The following RTN4IP1 variants were observed in gnomAD, a reference collection of about 807,000 sequenced individuals.
RTN4IP1 encodes the protein reticulon 4 interacting protein 1.
In RTN4IP1, 32 loss-of-function variants were observed where a neutral mutation model predicts 46.6. The observed-to-expected ratio is 0.69, with a 90% confidence interval of 0.52 to 0.92. RTN4IP1 has a LOEUF of 0.92. Among genes scored for constraint, RTN4IP1 ranks in the 40% least tolerant of loss-of-function variants. RTN4IP1 has a pLI of 0.00. For missense variants in RTN4IP1, 424 were observed against 485.8 expected, an observed-to-expected ratio of 0.87 and a Z score of 1.20; for synonymous variants, 167 against 161.8, an observed-to-expected ratio of 1.03 and a Z score of -0.24.
At chr6:106,588,673 G>T (rs1775544617) in intron 6 of RTN4IP1, among the ~76,000 whole-genome samples, 1 of 152,200 alleles carries the variant, frequency 6.6e-6, no homozygotes, top group Non-Finnish European at 1.5e-5. Context: ...GAGAATACAT[G>T]CAAATAAACT....
chr6:106,619,432 G>C (rs1776428676), intron 3 of RTN4IP1, 106 bp from the exon 4 acceptor site: 2 of 1,344,628 alleles, frequency 1.5e-6, no homozygotes, highest in Non-Finnish European at 2.0e-6. Flanking sequence ...TGAACAACAG[G>C]GGTTTGAATT....
chr6:106,630,427 C>G (rs573995984), upstream of RTN4IP1, among the ~76,000 whole-genome samples: 1 of 152,336 alleles, frequency 6.6e-6, no homozygotes, highest in East Asian at 1.9e-4. Context: ...GATTCTTCCT[C>G]ATCTTTCATA....
chr6:106,602,974 G>A, intron 4 of RTN4IP1, 52 bp from the exon 5 acceptor site: 2 of 1,366,434 alleles, frequency 1.5e-6, no homozygotes, highest in Non-Finnish European at 2.0e-6. Context: ...AGATATAACT[G>A]GATAAACGTT....
At chr6:106,613,435 A>G (rs752908940) in intron 4 of RTN4IP1, among the ~76,000 whole-genome samples, 1 of 152,232 alleles carries the variant, frequency 6.6e-6, no homozygotes, top group African/African-American at 2.4e-5. Context: ...CAAAGCCAGA[A>G]GCTAGTCTGT....
chr6:106,604,701 T>C (rs1776019883), intron 4 of RTN4IP1, among the ~76,000 whole-genome samples: 1 of 152,156 alleles, frequency 6.6e-6, no homozygotes, highest in African/African-American at 2.4e-5. Context: ...GGCTACTGTC[T>C]GTTCTTTGGG....
chr6:106,581,196 C>G (rs1391573250), intron 8 of RTN4IP1, among the ~76,000 whole-genome samples: 1 of 152,138 alleles, frequency 6.6e-6, no homozygotes, highest in Non-Finnish European at 1.5e-5. Context: ...CTTTTTCCAT[C>G]TTTAGGGTTT....
intron 5 of RTN4IP1, among the ~76,000 whole-genome samples, chr6:106,597,378 C>A (rs1348785388): frequency 6.6e-6 from 1 of 152,092 alleles, no homozygotes. Flanking sequence ...AGATAGGTCT[C>A]ACTCTGTCCA....
intron 1 of RTN4IP1, among the ~76,000 whole-genome samples, chr6:106,625,656 T>TTTTTC (rs1222661563): frequency 3.5e-5 from 5 of 141,346 alleles, no homozygotes; most frequent in African/African-American, 1.4e-4. Context: ...TTTTTTCTTT[T>TTTTTC]TTTTCTTTTT....
At position 106,580,138 on chromosome 6, in the gene RTN4IP1, C is replaced by T. The variant is rs568369529; in HGVS notation, c.1083+3190G>A. ...CTGAGGCAGGAGAATGGTGTGAACC[C>T]GGGAGGCGGAGCTTGCAGTGAGCTG... is the stretch of plus-strand genomic sequence containing the variant. On this transcript the variant is annotated intron_variant, in intron 8 of 8. Transcript: ENST00000369063. Among the ~76,000 whole-genome samples the T allele has an allele frequency of 2.0e-5, 3 of 146,968 alleles. No homozygotes were observed. In the East Asian group the frequency reaches 6.2e-4, roughly 30 times the overall value.
intron 7 of RTN4IP1, among the ~76,000 whole-genome samples, chr6:106,585,352 C>T (rs1456420658): frequency 2.6e-5 from 4 of 152,192 alleles, no homozygotes; most frequent in African/African-American, 9.7e-5. Flanking sequence ...AATTATGTGG[C>T]TAAATGCCAG....
At chr6:106,610,406 T>G (rs1224214951) in intron 4 of RTN4IP1, among the ~76,000 whole-genome samples, 1 of 152,176 alleles carries the variant, frequency 6.6e-6, no homozygotes, top group Non-Finnish European at 1.5e-5. Flanking sequence ...GTCGGTCTTC[T>G]AAAGTCTGAA....
intron 2 of RTN4IP1, among the ~76,000 whole-genome samples, chr6:106,621,929 T>C (rs1776495392): frequency 6.6e-6 from 1 of 152,190 alleles, no homozygotes; most frequent in Non-Finnish European, 1.5e-5. Context: ...TATCATTTCT[T>C]GGTACAAAAG....
Position 106,619,241 on chromosome 6 carries a change from T to G in RTN4IP1, c.581A>C (p.Lys194Thr). 2.5e-6 allele frequency: 4 copies of G among 1,614,186 alleles called. No individual in the cohort carries two copies. The highest frequency in any genetic ancestry group is 3.4e-6 in the Non-Finnish European group (4 of 1,180,014). The change falls in exon 4 of 9, where the codon AAA (lysine) becomes ACA (threonine). Residue 194 changes from lysine to threonine, a missense_variant. Coordinates refer to ENST00000369063, the MANE Select transcript of RTN4IP1 (RefSeq NM_032730.5). ...VALTAWSAIN[K>T]VGGLNDKNCT... ...ATTCTTGTCATTCAGGCCACCAACT[T>G]TGTTTATAGCAGACCAGGCTGTGAG...
chr6:106,594,164 A>C (rs1775727460), intron 5 of RTN4IP1, among the ~76,000 whole-genome samples: 1 of 152,196 alleles, frequency 6.6e-6, no homozygotes, highest in South Asian at 2.1e-4. Flanking sequence ...TGTTTTAAAA[A>C]CAGTTTTACT....
At chr6:106,627,898 GTTTCTATAAAAATACAAAAA>G (rs1208754375) in intron 1 of RTN4IP1, among the ~76,000 whole-genome samples, 2 of 141,290 alleles carry the variant, frequency 1.4e-5, no homozygotes, top group African/African-American at 5.2e-5. Context: ...TGAAACTCCC[GTTTCTATAAAAATACAAAAA>G]TTAGCTGGGT....
chr6:106,582,535 T>G (rs1468082897), intron 8 of RTN4IP1, among the ~76,000 whole-genome samples: 1 of 152,178 alleles, frequency 6.6e-6, no homozygotes, highest in Non-Finnish European at 1.5e-5. Flanking sequence ...ACCTGTAAAA[T>G]GAGAATCACC....
intron 8 of RTN4IP1, among the ~76,000 whole-genome samples, chr6:106,578,393 T>C (rs1775278988): frequency 6.6e-6 from 1 of 152,200 alleles, no homozygotes; most frequent in Non-Finnish European, 1.5e-5. Context: ...GTGCAAAGCT[T>C]TCCTCTTTCC....
chr6:106,587,858 C>A lies in RTN4IP1; in HGVS notation c.811G>T (p.Asp271Tyr). The A allele has an allele frequency of 6.2e-7, 1 of 1,611,082 alleles. No individual in the cohort carries two copies. The highest frequency in any genetic ancestry group is 1.1e-5 in the South Asian group (1 of 90,818). ...CCGCCAACATTATCAAGGATAAAATCAAATCTGGAGAGGAAGAACCAAATC... is the reference window on the plus strand; with the variant it reads ...CCGCCAACATTATCAAGGATAAAATAAAATCTGGAGAGGAAGAACCAAATC... ...EEQLKSLKPF[D>Y]FILDNVGGST... The change falls in exon 7 of 9, where the codon GAT (aspartate) becomes TAT (tyrosine). Residue 271 changes from aspartate (D) to tyrosine (Y), a missense_variant. Coordinates refer to ENST00000369063, the MANE Select transcript of RTN4IP1 (RefSeq NM_032730.5).
chr6:106,607,627 A>G (rs1283977318), intron 4 of RTN4IP1: 1 of 152,222 alleles, frequency 6.6e-6, no homozygotes, highest in East Asian at 1.9e-4. Context: ...TATGCTGTAC[A>G]TCACTAATAA....
Sources: gnomAD v4.1 joint callset for allele counts (sites outside exome capture counted in the v4.1 genomes callset) on GRCh38, gnomAD v4.1.1 for gene constraint, MANE v1.5 for transcripts, NCBI Gene and HGNC (gene_info 2026-07-23, HGNC 2026-07-21) for gene names.